PTPRG: variants seen among roughly 807,000 people sequenced by gnomAD.
PTPRG encodes the protein receptor-type tyrosine-protein phosphatase gamma.
Under a neutral mutation model 165.3 loss-of-function variants are expected in PTPRG, and 102 were observed. The observed-to-expected ratio is 0.62, with a 90% CI of 0.53 to 0.73. PTPRG has a LOEUF of 0.73. Ranked by LOEUF, PTPRG falls within the 30% of genes least tolerant of loss-of-function variation. The pLI is 0.00. For missense variants in PTPRG, 1,866 were observed against 1,861.4 expected (o/e 1.00, Z -0.05); for synonymous variants, 675 against 669.5 (o/e 1.01, Z -0.13).
chr3:62,144,430 C>T (rs936124199), intron 6 of PTPRG, among the ~76,000 whole-genome samples: 1 of 152,160 alleles, frequency 6.6e-6, no homozygotes, highest in African/African-American at 2.4e-5. Flanking sequence ...AGAAATCCTC[C>T]AAATTATTTT....
chr3:61,923,949 A>T (rs1559691911), intron 2 of PTPRG, among the ~76,000 whole-genome samples: 1 of 152,182 alleles, frequency 6.6e-6, no homozygotes. Flanking sequence ...TAGGAGAAAC[A>T]TTCATTTCCA....
intron 6 of PTPRG, among the ~76,000 whole-genome samples, chr3:62,148,661 G>C (rs376195867): frequency 2.0e-5 from 3 of 152,230 alleles, no homozygotes; most frequent in African/African-American, 7.2e-5. Flanking sequence ...TACTCGGGAG[G>C]CTGAGGCAGA....
In PTPRG at chr3:62,063,988, A is replaced by G. The variant is rs147307348; in HGVS notation, c.520-14175A>G. On this transcript the variant is annotated intron_variant, in intron 4 of 29. Coordinates refer to ENST00000474889, the MANE Select transcript of PTPRG (RefSeq NM_002841.4). The stretch of plus-strand genomic sequence containing the variant: ...TAGGGGCTGATGGATGCATTCCTTT[A>G]GAACACTTTGCTGATGAGGCTGGTC... Among the ~76,000 whole-genome samples the G allele has an allele frequency of 1.2e-3, 180 of 152,310 alleles. 1 individual carries two copies. The highest frequency in any genetic ancestry group is 4.2e-3 in the African/African-American group (176 of 41,576).
intron 3 of PTPRG, among the ~76,000 whole-genome samples, chr3:61,997,476 C>A (rs527688922): frequency 1.3e-5 from 2 of 152,254 alleles, no homozygotes; most frequent in African/African-American, 4.8e-5. Flanking sequence ...TACTCGTTAC[C>A]ACTACCACAG....
intron 17 of PTPRG, among the ~76,000 whole-genome samples, chr3:62,265,896 T>TAC (rs143246257): frequency 0.4 from 52,174 of 130,586 alleles, 10,421 homozygotes; most frequent in East Asian, 0.55. Flanking sequence ...GTGCCTTATA[T>TAC]ACACACACAC....
chr3:61,949,971 C>G (rs2039860497), intron 2 of PTPRG, among the ~76,000 whole-genome samples: 1 of 152,138 alleles, frequency 6.6e-6, no homozygotes, highest in Non-Finnish European at 1.5e-5. Context: ...TGGTCTCAAT[C>G]TCTTGACCTC....
intron 4 of PTPRG, among the ~76,000 whole-genome samples, chr3:62,064,755 G>A (rs948033032): frequency 3.0e-5 from 4 of 132,630 alleles, no homozygotes; most frequent in South Asian, 2.4e-4. Flanking sequence ...TTTTTGAGGC[G>A]GAGTTTCACT....
At chr3:61,580,723 A>C (rs1700275257) in intron 1 of PTPRG, among the ~76,000 whole-genome samples, 1 of 152,206 alleles carries the variant, frequency 6.6e-6, no homozygotes, top group South Asian at 2.1e-4. Context: ...AAAAAACCTA[A>C]CTGGGTAAGT....
chr3:62,029,495 A>G (rs1321270561), intron 4 of PTPRG, among the ~76,000 whole-genome samples: 2 of 152,262 alleles, frequency 1.3e-5, no homozygotes, highest in East Asian at 1.9e-4. Context: ...GAAGAAGTCA[A>G]AATATCAGCA....
chr3:61,965,487 C>CA (rs56210593), intron 2 of PTPRG, among the ~76,000 whole-genome samples: 3,513 of 79,848 alleles, frequency 0.044, 141 homozygotes, highest in South Asian at 0.065. Context: ...GACTCCGTCT[C>CA]AAAAAAAAAA....
chr3:62,292,223 T>C (rs759000656), intron 28 of PTPRG, among the ~76,000 whole-genome samples, 198 bp from the exon 29 acceptor site: 4 of 152,140 alleles, frequency 2.6e-5, no homozygotes, highest in Non-Finnish European at 5.9e-5. Flanking sequence ...TTTGGGATAC[T>C]CCACTTTCAT....
At chr3:62,276,720 T>C in intron 24 of PTPRG, 1 of 482,718 alleles carries the variant, frequency 2.1e-6, no homozygotes, top group Non-Finnish European at 3.7e-6. Context: ...CTGTTATTGA[T>C]CTGCTGTAAA....
chr3:61,908,754 A>G (rs767815174), intron 2 of PTPRG, among the ~76,000 whole-genome samples: 5 of 152,336 alleles, frequency 3.3e-5, no homozygotes, highest in Non-Finnish European at 7.3e-5. Context: ...CTACATAAAA[A>G]TGAATAATAC....
At position 62,192,338 on chromosome 3, in the gene PTPRG, C is replaced by A. The variant is rs1699851177; in HGVS notation, c.1218+685C>A. Reference sequence around the variant, plus strand: ...GTCCAACACACAAGCCCCTTCAGAACAGATGTTTGCAGAAGCCATCTCCTT... The same window carrying A: ...GTCCAACACACAAGCCCCTTCAGAAAAGATGTTTGCAGAAGCCATCTCCTT... On this transcript the variant is annotated intron_variant, in intron 9 of 29. Transcript: ENST00000474889. 2.1e-5 allele frequency among the ~76,000 whole-genome samples: 3 copies of A among 142,008 alleles called. No homozygotes were observed. In the South Asian group the frequency reaches 7.6e-4, roughly 36 times the overall value. 93.2% of individuals were successfully genotyped at this position (142,008 alleles called of 152,430 possible). A position where few individuals can be genotyped will look rare whatever the true frequency, so the allele number is the denominator to read the frequency against.
chr3:61,829,508 C>T (rs1250183126), intron 2 of PTPRG, among the ~76,000 whole-genome samples: 3 of 152,222 alleles, frequency 2.0e-5, no homozygotes, highest in Non-Finnish European at 2.9e-5. Context: ...CTTAAAGGAT[C>T]AGGCCCGAAG....
intron 2 of PTPRG, among the ~76,000 whole-genome samples, chr3:61,836,062 C>CCAAAAAA (rs2036450402): frequency 8.7e-5 from 9 of 103,608 alleles, no homozygotes; most frequent in Admixed American, 2.2e-4. Context: ...CCCCCCCCAC[C>CCAAAAAA]AAAAAAAAAA....
At chr3:62,122,881 G>A (rs1337114612) in intron 5 of PTPRG, among the ~76,000 whole-genome samples, 1 of 152,120 alleles carries the variant, frequency 6.6e-6, no homozygotes, top group African/African-American at 2.4e-5. Context: ...TAAGGAAAAT[G>A]GTGTTGTGTG....
chr3:61,844,335 G>C (rs959250549), intron 2 of PTPRG, among the ~76,000 whole-genome samples: 4 of 152,188 alleles, frequency 2.6e-5, no homozygotes, highest in African/African-American at 9.7e-5. Context: ...AGCCTTGCTA[G>C]ATAAAATACA....
intron 1 of PTPRG, among the ~76,000 whole-genome samples, chr3:61,710,397 C>T (rs1486735339): frequency 6.6e-6 from 1 of 152,074 alleles, no homozygotes; most frequent in Non-Finnish European, 1.5e-5. Context: ...TACAATAGTT[C>T]TATGAGGTTA....
Sources: gnomAD v4.1 joint callset for allele counts (sites outside exome capture counted in the v4.1 genomes callset) on GRCh38, gnomAD v4.1.1 for gene constraint, MANE v1.5 for transcripts, NCBI Gene and HGNC (gene_info 2026-07-23, HGNC 2026-07-21) for gene names.